NXPH2: variants seen among roughly 807,000 people sequenced by gnomAD.
The protein encoded by NXPH2 is neurexophilin-2.
Under a neutral mutation model 19.8 loss-of-function variants are expected in NXPH2, and 5 were observed. The ratio of observed to expected loss-of-function variants is 0.25; its 90% CI spans 0.13 to 0.53. NXPH2 has a LOEUF of 0.53. NXPH2 is among the 20% of genes least tolerant of loss of function. The pLI, the probability that NXPH2 is intolerant of heterozygous loss-of-function variation, is 0.96. For missense variants in NXPH2, 289 were observed against 322.8 expected, an observed-to-expected ratio of 0.90 and a Z score of 0.80; for synonymous variants, 154 against 127.4, an observed-to-expected ratio of 1.21 and a Z score of -1.41.
intron 1 of NXPH2, among the ~76,000 whole-genome samples, chr2:138,751,587 A>G (rs774594514): frequency 6.6e-6 from 1 of 152,114 alleles, no homozygotes; most frequent in African/African-American, 2.4e-5. Context: ...CAGACTTTCT[A>G]ACAGGGGAAA....
chr2:138,691,204 G>GA (rs1680740408), intron 1 of NXPH2, among the ~76,000 whole-genome samples: 1 of 152,186 alleles, frequency 6.6e-6, no homozygotes, highest in Admixed American at 6.5e-5. Flanking sequence ...ATAAGTACTT[G>GA]TTGGGTTTCC....
Position 138,670,786 on chromosome 2 carries a change from A to T in NXPH2, c.*136T>A. 2.2e-6 allele frequency: 2 copies of T among 919,870 alleles called. No individual in the cohort carries two copies. Among genetic ancestry groups the T allele is most frequent in the African/African-American group, 1.7e-5 (1 of 59,750 alleles). 57.0% of individuals were successfully genotyped at this position (919,870 alleles called of 1,614,324 possible). On this transcript the variant is annotated 3_prime_UTR_variant, in exon 2 of 2. Coordinates refer to ENST00000272641, the MANE Select transcript of NXPH2 (RefSeq NM_007226.3). ...AAAGATGTCTCTTTTTCTTTTTTTAAATTTGAAAACCTGATAGGGAACTAT... is the reference window on the plus strand; with the variant it reads ...AAAGATGTCTCTTTTTCTTTTTTTATATTTGAAAACCTGATAGGGAACTAT...
intron 1 of NXPH2, among the ~76,000 whole-genome samples, chr2:138,686,968 T>C (rs1680666755): frequency 6.6e-6 from 1 of 152,146 alleles, no homozygotes; most frequent in Non-Finnish European, 1.5e-5. Context: ...GACATTTGGG[T>C]TGGTTCCAAG....
intron 1 of NXPH2, among the ~76,000 whole-genome samples, chr2:138,716,296 G>A (rs536357979): frequency 1.3e-5 from 2 of 152,278 alleles, no homozygotes; most frequent in African/African-American, 2.4e-5. Flanking sequence ...GTAGGAGACC[G>A]GGCCTCGGGG....
At chr2:138,690,891 C>G (rs763905274) in intron 1 of NXPH2, among the ~76,000 whole-genome samples, 1 of 152,196 alleles carries the variant, frequency 6.6e-6, no homozygotes, top group African/African-American at 2.4e-5. Flanking sequence ...AAACCCAACA[C>G]GAGATGCACC....
chr2:138,753,909 C>G (rs376381639), intron 1 of NXPH2, among the ~76,000 whole-genome samples: 3 of 152,258 alleles, frequency 2.0e-5, no homozygotes, highest in South Asian at 4.1e-4. Context: ...GTTAGTTTTA[C>G]AGACTCCACT....
chr2:138,732,764 G>A (rs762856311), intron 1 of NXPH2, among the ~76,000 whole-genome samples: 3 of 151,776 alleles, frequency 2.0e-5, no homozygotes, highest in Admixed American at 6.6e-5. Context: ...ACTGGCTCTC[G>A]GTAATTCTTA....
At chr2:138,683,370 A>G (rs1680605294) in intron 1 of NXPH2, among the ~76,000 whole-genome samples, 1 of 152,186 alleles carries the variant, frequency 6.6e-6, no homozygotes, top group African/African-American at 2.4e-5. Context: ...AAAAGTTGGC[A>G]TTTAAAAAGG....
chr2:138,716,707 CTAT>C (rs1681201135), intron 1 of NXPH2, among the ~76,000 whole-genome samples: 1 of 152,140 alleles, frequency 6.6e-6, no homozygotes, highest in Non-Finnish European at 1.5e-5. Context: ...ACTGATGTAG[CTAT>C]TGTTTCTGCT....
chr2:138,767,920 C>G (rs543505763), intron 1 of NXPH2, among the ~76,000 whole-genome samples: 2 of 152,128 alleles, frequency 1.3e-5, no homozygotes, highest in Admixed American at 1.3e-4. Context: ...TTTTTTTGCT[C>G]TCTTCCATGG....
In NXPH2 at chr2:138,671,325, G is replaced by T; in HGVS notation, c.392C>A (p.Thr131Lys). The change falls in exon 2 of 2, where the codon ACA becomes AAA. Residue 131 changes from threonine to lysine, a missense_variant. Coordinates refer to ENST00000272641, the MANE Select transcript of NXPH2 (RefSeq NM_007226.3). The part of the protein sequence containing the change: ...IKTVKLNLLI[T>K]GKIVDHGNGT... The stretch of plus-strand genomic sequence containing the variant: ...ATTTCCATGGTCAACAATTTTCCCT[G>T]TGATGAGGAGATTGAGTTTGACAGT... The T allele has an allele frequency of 6.2e-7, 1 of 1,613,826 alleles. No individual in the cohort carries two copies. The highest frequency in any genetic ancestry group is 8.5e-7 in the Non-Finnish European group (1 of 1,179,802).
chr2:138,772,534 T>G (rs1682196187), intron 1 of NXPH2, among the ~76,000 whole-genome samples: 1 of 152,132 alleles, frequency 6.6e-6, no homozygotes, highest in Non-Finnish European at 1.5e-5. Context: ...CGACCTCAGG[T>G]GATCTCCCCA....
intron 1 of NXPH2, among the ~76,000 whole-genome samples, chr2:138,749,959 C>T (rs1052010808): frequency 2.6e-5 from 4 of 152,030 alleles, no homozygotes; most frequent in African/African-American, 9.7e-5. Context: ...AACCCAGGAA[C>T]CCAGGGCCAC....
chr2:138,743,974 G>A (rs1401025101), intron 1 of NXPH2, among the ~76,000 whole-genome samples: 2 of 128,556 alleles, frequency 1.6e-5, no homozygotes, highest in African/African-American at 5.8e-5. Context: ...TTGCACTCCA[G>A]CCTGAGTGAT....
chr2:138,761,386 A>G (rs188815709), intron 1 of NXPH2, among the ~76,000 whole-genome samples: 11 of 152,326 alleles, frequency 7.2e-5, no homozygotes, highest in Admixed American at 1.3e-4. Context: ...CAGGTCCCCA[A>G]TAGTCAGGGG....
chr2:138,720,486 T>G (rs1469972013), intron 1 of NXPH2, among the ~76,000 whole-genome samples: 3 of 152,234 alleles, frequency 2.0e-5, no homozygotes, highest in African/African-American at 7.2e-5. Flanking sequence ...GAGGGCTGAC[T>G]GCCCCAGGAC....
chr2:138,770,622 A>C (rs1452269330), intron 1 of NXPH2, among the ~76,000 whole-genome samples: 1 of 152,082 alleles, frequency 6.6e-6, no homozygotes, highest in Non-Finnish European at 1.5e-5. Flanking sequence ...AACTGAGTTC[A>C]GAAATAGAAC....
chr2:138,773,872 ATAGT>A (rs1454420603), intron 1 of NXPH2, among the ~76,000 whole-genome samples: 9 of 152,190 alleles, frequency 5.9e-5, no homozygotes, highest in Admixed American at 1.3e-4. Context: ...AATCCCAGGA[ATAGT>A]TAGTCTTTCT....
chr2:138,721,037 G>A (rs141656272), intron 1 of NXPH2, among the ~76,000 whole-genome samples: 3 of 152,250 alleles, frequency 2.0e-5, no homozygotes, highest in Non-Finnish European at 4.4e-5. Context: ...CTTTTGTATT[G>A]TGAAATTAAA....
Sources: gnomAD v4.1 joint callset for allele counts (sites outside exome capture counted in the v4.1 genomes callset) on GRCh38, gnomAD v4.1.1 for gene constraint, MANE v1.5 for transcripts, NCBI Gene and HGNC (gene_info 2026-07-23, HGNC 2026-07-21) for gene names.